TNFRSF10B: variants seen among roughly 807,000 people sequenced by gnomAD.
TNFRSF10B encodes TNF receptor superfamily member 10b, also known as tumor necrosis factor receptor superfamily member 10B.
A neutral mutation model predicts 41.4 loss-of-function variants in TNFRSF10B; 35 were observed. The observed-to-expected ratio is 0.85, with a 90% confidence interval of 0.65 to 1.12. The LOEUF (loss-of-function observed/expected upper bound fraction) is 1.12, where lower values mean the gene tolerates loss of function less well. Ranked by LOEUF, TNFRSF10B falls within the 50% of genes most tolerant of loss-of-function variation. The probability of loss-of-function intolerance (pLI) is 0.00; values close to 1 mark genes in which losing one functional copy is unlikely to be tolerated. For missense variants in TNFRSF10B, 584 were observed against 552.7 expected (o/e 1.06, Z -0.57); for synonymous variants, 230 against 215.5 (o/e 1.07, Z -0.59).
chr8:23,043,673 T>C (rs1314174762), intron 1 of TNFRSF10B, among the ~76,000 whole-genome samples: 2 of 152,300 alleles, frequency 1.3e-5, no homozygotes, highest in East Asian at 3.9e-4. Context: ...GGTTATAATA[T>C]AGCAAACTTA....
intron 1 of TNFRSF10B, among the ~76,000 whole-genome samples, chr8:23,045,060 C>CAAAAAA (rs35953846): frequency 4.6e-4 from 18 of 38,802 alleles, no homozygotes; most frequent in South Asian, 3.9e-3. Context: ...TAATAAAATA[C>CAAAAAA]AAAAAAAAAA....
intron 1 of TNFRSF10B, among the ~76,000 whole-genome samples, chr8:23,043,779 G>A (rs918636970): frequency 3.9e-5 from 6 of 152,164 alleles, no homozygotes; most frequent in African/African-American, 7.2e-5. Context: ...GAACTTGCAC[G>A]TACAACCATG....
chr8:23,066,978 T>G (rs550933826), intron 1 of TNFRSF10B, among the ~76,000 whole-genome samples: 40 of 151,976 alleles, frequency 2.6e-4, no homozygotes, highest in Middle Eastern at 3.4e-3. Flanking sequence ...GTTGTGGCTT[T>G]CTTTCTTTCT....
intron 1 of TNFRSF10B, among the ~76,000 whole-genome samples, chr8:23,057,153 C>T (rs1812693602): frequency 6.6e-6 from 1 of 150,882 alleles, no homozygotes; most frequent in South Asian, 2.1e-4. Context: ...CATTCTCCTG[C>T]CTCAGCCTCC....
At chr8:23,029,827 G>A in intron 3 of TNFRSF10B, 106 bp from the exon 4 acceptor site, 1 of 1,085,168 alleles carries the variant, frequency 9.2e-7, no homozygotes, top group East Asian at 2.6e-5. Flanking sequence ...AGTTTGCCAA[G>A]GAGTTCTGAG....
chr8:23,058,157 G>C (rs1248537005), intron 1 of TNFRSF10B, among the ~76,000 whole-genome samples: 1 of 152,174 alleles, frequency 6.6e-6, no homozygotes, highest in Non-Finnish European at 1.5e-5. Flanking sequence ...TGAGGCAGGA[G>C]AATCGCTTGA....
chr8:23,036,262 T>C (rs1233746144), intron 2 of TNFRSF10B, among the ~76,000 whole-genome samples: 1 of 152,012 alleles, frequency 6.6e-6, no homozygotes, highest in Non-Finnish European at 1.5e-5. Flanking sequence ...AAAGTTTCCA[T>C]TTCCATTTTC....
chr8:23,042,523 CA>C (rs1812232459), intron 2 of TNFRSF10B, among the ~76,000 whole-genome samples: 1 of 152,128 alleles, frequency 6.6e-6, no homozygotes, highest in Non-Finnish European at 1.5e-5. Flanking sequence ...CATAACATCC[CA>C]GGGGAGCGCC....
At position 23,023,287 on chromosome 8, in the gene TNFRSF10B, G is replaced by C. The variant is rs560129099; in HGVS notation, c.1010-303C>G. Among the ~76,000 whole-genome samples, 5 of 152,328 alleles carry C rather than the reference G, an allele frequency of 3.3e-5. No homozygotes were observed. The South Asian group carries it at 1.0e-3, about 32-fold the overall frequency. On this transcript the variant is annotated intron_variant, in intron 8 of 8. Transcript: ENST00000276431. ...GAGGCAGAAAGTAAAGTGCGTGAGAGTCCGAGGGAGGGAGAGACAGTGGCT... is the reference window on the plus strand; with the variant it reads ...GAGGCAGAAAGTAAAGTGCGTGAGACTCCGAGGGAGGGAGAGACAGTGGCT...
At chr8:23,053,579 GT>G (rs1186399136) in intron 1 of TNFRSF10B, among the ~76,000 whole-genome samples, 1 of 152,202 alleles carries the variant, frequency 6.6e-6, no homozygotes, top group African/African-American at 2.4e-5. Context: ...ATATCATCCA[GT>G]TTTTCTGTAA....
chr8:23,027,190 C>T lies in TNFRSF10B; in HGVS notation c.879G>A (p.Glu293=), dbSNP rs772879075. The change falls in exon 7 of 9, where the codon GAG becomes GAA. Residue 293 remains glutamate, a synonymous_variant. Transcript: ENST00000276431. ...QVPEQEMEVQ[E]PAEPTGVNML... is the part of the protein sequence containing the mutation. ...TGTTGACACCTGTTGGCTCTGCTGG[C>T]TCCTGGACTTCCATTTCCTGCTCAG... is the stretch of plus-strand genomic sequence containing the variant. 6.2e-7 allele frequency: 1 copy of T among 1,614,216 alleles called. No individual in the cohort carries two copies. The highest frequency in any genetic ancestry group is 8.5e-7 in the Non-Finnish European group (1 of 1,180,036).
At chr8:23,030,682 T>A (rs532070325) in intron 3 of TNFRSF10B, 77 bp downstream of exon 3, 2 of 1,114,208 alleles carry the variant, frequency 1.8e-6, no homozygotes, top group African/African-American at 3.1e-5. Flanking sequence ...CTAGGTCTCC[T>A]GATCCCATTT....
Position 23,068,896 on chromosome 8 carries a change from G to A in TNFRSF10B, c.-2C>T, listed in dbSNP as rs1475581147. ...GGCGTTCTGTCCCCGTTGTTCCATG[G>A]CGGTAGGGAACGCTCTTATAGTCTC... On this transcript the variant is annotated 5_prime_UTR_variant, in exon 1 of 9. Transcript: ENST00000276431. 1 of 1,613,334 alleles carries A rather than the reference G, an allele frequency of 6.2e-7. No individual in the cohort carries two copies. Among genetic ancestry groups the A allele is most frequent in the Non-Finnish European group, 8.5e-7 (1 of 1,179,966 alleles).
chr8:23,040,191 A>G (rs1377929139), intron 2 of TNFRSF10B, among the ~76,000 whole-genome samples: 3 of 145,708 alleles, frequency 2.1e-5, no homozygotes, highest in Admixed American at 7.0e-5. Flanking sequence ...AAAAATATAT[A>G]TATATCTATA....
At chr8:23,023,256 G>A (rs529695676) in intron 8 of TNFRSF10B, among the ~76,000 whole-genome samples, 2 of 152,324 alleles carry the variant, frequency 1.3e-5, no homozygotes, top group Non-Finnish European at 2.9e-5. Flanking sequence ...ATGGATGGAC[G>A]TTACAGAGGC....
intron 1 of TNFRSF10B, 123 bp downstream of exon 1, chr8:23,068,628 G>T: frequency 1.4e-6 from 2 of 1,425,584 alleles, no homozygotes; most frequent in Non-Finnish European, 1.9e-6. Flanking sequence ...GGTGCGTCTT[G>T]CCCGGACATG....
At chr8:23,054,659 T>C (rs775882562) in intron 1 of TNFRSF10B, among the ~76,000 whole-genome samples, 29 of 152,320 alleles carry the variant, frequency 1.9e-4, no homozygotes, top group Non-Finnish European at 3.4e-4. Context: ...ACATAGACCC[T>C]GTACAGGGTT....
chr8:23,026,851 C>G (rs141122944), intron 7 of TNFRSF10B, among the ~76,000 whole-genome samples: 1 of 152,330 alleles, frequency 6.6e-6, no homozygotes, highest in East Asian at 1.9e-4. Flanking sequence ...GACTGTGCAG[C>G]CTTATTCACT....
chr8:23,052,816 A>G (rs1812563385), intron 1 of TNFRSF10B, among the ~76,000 whole-genome samples: 1 of 152,228 alleles, frequency 6.6e-6, no homozygotes, highest in Non-Finnish European at 1.5e-5. Flanking sequence ...TTTGACTTAA[A>G]AAGTGTTCAA....
Sources: allele counts gnomAD v4.1 joint callset (sites outside exome capture counted in the v4.1 genomes callset), GRCh38; gene constraint gnomAD v4.1.1; transcripts MANE v1.5; gene names NCBI Gene and HGNC (gene_info 2026-07-23, HGNC 2026-07-21).